The following CEP112 variants were observed in gnomAD, a reference collection of about 807,000 sequenced individuals.
CEP112 encodes centrosomal protein of 112 kDa.
CEP112 carries 127 observed loss-of-function variants against 153.0 expected under a neutral mutation model. That is an observed-to-expected ratio of 0.83 (90% CI 0.72 to 0.96). The LOEUF (loss-of-function observed/expected upper bound fraction) is 0.96. Among genes scored for constraint, CEP112 ranks in the 40% least tolerant of loss-of-function variants. The pLI is 0.00. For synonymous variants in CEP112, 358 were observed against 374.4 expected (o/e 0.96, Z 0.51); for missense variants, 1,089 against 1,101.2 (o/e 0.99, Z 0.16).
intron 23 of CEP112, among the ~76,000 whole-genome samples, chr17:65,708,185 A>T (rs1219787588): frequency 6.6e-6 from 1 of 151,982 alleles, no homozygotes; most frequent in Non-Finnish European, 1.5e-5. Context: ...AGTCTTCTTG[A>T]AATAAGTGTG....
At chr17:66,120,913 C>A (rs555383345) in intron 6 of CEP112, among the ~76,000 whole-genome samples, 2 of 152,112 alleles carry the variant, frequency 1.3e-5, no homozygotes, top group Admixed American at 6.5e-5. Flanking sequence ...CTTGTTCTTT[C>A]GCCAGTTTCT....
rs376228879 is a variant in CEP112, at chr17:66,063,068, T to A, written c.969A>T (p.Ile323=). The change falls in exon 11 of 27, where the codon ATA becomes ATT. Residue 323 remains isoleucine (I), a synonymous_variant. Transcript: ENST00000535342. Reference sequence around the variant, plus strand: ...TCTCTCTGATAACTTGACAGTCACGTATCAGTGTCTGAACTGTCAAAAATT... The same window carrying A: ...TCTCTCTGATAACTTGACAGTCACGAATCAGTGTCTGAACTGTCAAAAATT... The part of the protein sequence containing the change: ...RKLEKKVQTL[I]RDCQVIRETK... 1.2e-5 allele frequency: 19 copies of A among 1,574,582 alleles called. No individual in the cohort carries two copies. In the African/African-American group the frequency reaches 1.8e-4, roughly 15 times the overall value.
intron 4 of CEP112, among the ~76,000 whole-genome samples, chr17:66,140,321 C>G (rs535167006): frequency 1.3e-5 from 2 of 152,192 alleles, no homozygotes; most frequent in East Asian, 3.9e-4. Context: ...TAGCATAATA[C>G]TCGAACAGTG....
At chr17:65,801,171 A>G (rs1195556361) in intron 21 of CEP112, among the ~76,000 whole-genome samples, 2 of 151,740 alleles carry the variant, frequency 1.3e-5, no homozygotes, top group African/African-American at 4.8e-5. Context: ...CTATCCTCCA[A>G]CTTCAGCTTC....
intron 18 of CEP112, among the ~76,000 whole-genome samples, chr17:65,933,582 G>A (rs1271577486): frequency 2.6e-5 from 4 of 152,074 alleles, no homozygotes; most frequent in Non-Finnish European, 4.4e-5. Flanking sequence ...TACTCTACCT[G>A]GCAAAGTTAT....
At chr17:65,856,396 C>CA (rs1283734149) in intron 20 of CEP112, among the ~76,000 whole-genome samples, 1 of 152,162 alleles carries the variant, frequency 6.6e-6, no homozygotes, top group East Asian at 1.9e-4. Flanking sequence ...TATCCAAGCT[C>CA]AAGCTGATTT....
At chr17:66,095,154 T>A (rs886904892) in intron 8 of CEP112, among the ~76,000 whole-genome samples, 22 of 151,952 alleles carry the variant, frequency 1.4e-4, no homozygotes, top group African/African-American at 4.8e-4. Flanking sequence ...TAGGTATAAA[T>A]CCAAAGGAAA....
intron 1 of CEP112, among the ~76,000 whole-genome samples, chr17:66,183,611 T>A (rs1433387012): frequency 6.6e-6 from 1 of 152,114 alleles, no homozygotes; most frequent in Non-Finnish European, 1.5e-5. Flanking sequence ...TCAAGACAAT[T>A]GGTATTGGTG....
chr17:65,860,643 G>A (rs2058285744), intron 20 of CEP112, among the ~76,000 whole-genome samples: 1 of 152,128 alleles, frequency 6.6e-6, no homozygotes, highest in African/African-American at 2.4e-5. Flanking sequence ...GATGTGACAA[G>A]CCAATGTATT....
At chr17:65,688,602 T>G (rs1368811562) in intron 24 of CEP112, 1 of 154,012 alleles carries the variant, frequency 6.5e-6, no homozygotes, top group Admixed American at 6.5e-5. Context: ...CATCTTGAAG[T>G]TGGTTCTAGA....
At chr17:66,111,473 T>A (rs559019130) in intron 6 of CEP112, among the ~76,000 whole-genome samples, 1 of 152,104 alleles carries the variant, frequency 6.6e-6, no homozygotes, top group South Asian at 2.1e-4. Flanking sequence ...CAATGACGGA[T>A]TGGATAAAGA....
intron 23 of CEP112, 97 bp from the exon 24 acceptor site, chr17:65,689,315 A>G: frequency 1.3e-6 from 1 of 765,040 alleles, no homozygotes; most frequent in Non-Finnish European, 2.2e-6. Context: ...TCAGATCTCT[A>G]GTTTATTACT....
chr17:66,089,401 G>C (rs566288677), intron 8 of CEP112, among the ~76,000 whole-genome samples: 21 of 152,134 alleles, frequency 1.4e-4, no homozygotes, highest in Non-Finnish European at 2.5e-4. Context: ...TTTTAAGGAA[G>C]CTTAGTGAGC....
At chr17:66,150,182 G>A (rs545277495) in intron 4 of CEP112, among the ~76,000 whole-genome samples, 2 of 147,014 alleles carry the variant, frequency 1.4e-5, no homozygotes, top group Admixed American at 6.8e-5. Flanking sequence ...TTACAGGCGT[G>A]AGCCACCGCG....
At chr17:65,887,464 G>T (rs1423362517) in intron 20 of CEP112, among the ~76,000 whole-genome samples, 1 of 152,046 alleles carries the variant, frequency 6.6e-6, no homozygotes. Context: ...ATTTCCCACC[G>T]CTTCAGGACC....
intron 20 of CEP112, among the ~76,000 whole-genome samples, chr17:65,884,599 A>G (rs2059203336): frequency 6.6e-6 from 1 of 152,216 alleles, no homozygotes; most frequent in Admixed American, 6.5e-5. Flanking sequence ...GGTAGGCTAT[A>G]GACAGTCATC....
intron 17 of CEP112, among the ~76,000 whole-genome samples, chr17:65,994,717 C>T (rs891990518): frequency 6.6e-6 from 1 of 152,214 alleles, no homozygotes; most frequent in African/African-American, 2.4e-5. Flanking sequence ...AGGAAACACA[C>T]GGAGAGCCAA....
intron 17 of CEP112, among the ~76,000 whole-genome samples, chr17:65,993,577 A>C (rs2063674269): frequency 6.6e-6 from 1 of 152,178 alleles, no homozygotes; most frequent in Admixed American, 6.5e-5. Context: ...AATATCCCCA[A>C]ACCAGAAGCA....
At chr17:65,766,459 T>A in intron 21 of CEP112, among the ~76,000 whole-genome samples, 1 of 148,350 alleles carries the variant, frequency 6.7e-6, no homozygotes. Flanking sequence ...TGAAGGCAAA[T>A]CAGAAAGGAA....
Sources: allele counts gnomAD v4.1 joint callset (sites outside exome capture counted in the v4.1 genomes callset), GRCh38; gene constraint gnomAD v4.1.1; transcripts MANE v1.5; gene names NCBI Gene and HGNC (gene_info 2026-07-23, HGNC 2026-07-21).